MYMK: variants seen among roughly 807,000 people sequenced by gnomAD.
MYMK encodes the protein protein myomaker.
In MYMK, 16 loss-of-function variants were observed where a neutral mutation model predicts 22.4. That is an observed-to-expected ratio of 0.72 (90% confidence interval 0.48 to 1.09). The LOEUF is 1.09. MYMK is among the 50% of genes least tolerant of loss of function. The pLI, the probability that MYMK is intolerant of heterozygous loss-of-function variation, is 0.00. For missense variants in MYMK, 250 were observed against 295.6 expected (o/e 0.85, Z 1.13); for synonymous variants, 125 against 127.0 (o/e 0.98, Z 0.11).
At chr9:133,517,858 C>T (rs1000130584) in intron 3 of MYMK, among the ~76,000 whole-genome samples, 6 of 152,324 alleles carry the variant, frequency 3.9e-5, no homozygotes, top group East Asian at 1.9e-4. Context: ...GCTCTCCCCA[C>T]AGCCGTGGGC....
In MYMK at chr9:133,515,639, T is replaced by C. The variant is rs1332980470; in HGVS notation, c.400-32A>G. 20 of 1,482,810 alleles carry C rather than the reference T, an allele frequency of 1.3e-5. No individual in the cohort carries two copies. Among genetic ancestry groups the C allele is most frequent in the Non-Finnish European group, 1.7e-5 (18 of 1,061,044 alleles). The allele number at this position is 1,482,810 out of a possible 1,614,324, so 91.9% of individuals were successfully genotyped here. A position where few individuals can be genotyped will look rare whatever the true frequency, so the allele number is the denominator to read the frequency against. On this transcript the variant is annotated intron_variant, in intron 3 of 4. Transcript: ENST00000339996. This position sits in a 1 kb window ranked among gnomAD's most constrained non-coding sequence, Gnocchi z 5.8. Reference sequence around the variant, plus strand: ...GGACAGGAGGCCACAGCAAAGCTTTTAGGTCACAGCACTGGGGAACGCCCC... The same window carrying C: ...GGACAGGAGGCCACAGCAAAGCTTTCAGGTCACAGCACTGGGGAACGCCCC...
chr9:133,518,885 C>T lies in MYMK; in HGVS notation c.388G>A (p.Ala130Thr), dbSNP rs775794934. ...GPIGTAILIIAAKWLQKMKEK... is the reference protein window; with the variant it reads ...GPIGTAILIITAKWLQKMKEK... ...CGCGCAGTACGCACCCACTTTGCCG[C>T]GATGATGAGGATGGCTGTGCCGATG... Residue 130 changes from alanine (A) to threonine (T), a missense_variant, in exon 3 of 5, where the codon GCG (alanine) becomes ACG (threonine). Coordinates refer to ENST00000339996, the MANE Select transcript of MYMK (RefSeq NM_001080483.3). 26 of 1,612,606 alleles carry T rather than the reference C, an allele frequency of 1.6e-5. No individual in the cohort carries two copies. The highest frequency in any genetic ancestry group is 6.7e-5 in the Admixed American group (4 of 59,974).
chr9:133,514,876 G>T, intron 4 of MYMK, 91 bp from the exon 5 acceptor site: 2 of 1,420,580 alleles, frequency 1.4e-6, no homozygotes, highest in Non-Finnish European at 1.9e-6. Flanking sequence ...TCAGGCCCCC[G>T]CCTCTGCCAG....
rs993745221 is a variant in MYMK, at chr9:133,524,914, G to A, written c.-70C>T. 28 of 1,520,934 alleles carry A rather than the reference G, an allele frequency of 1.8e-5. No homozygotes were observed. Among genetic ancestry groups the A allele is most frequent in the South Asian group, 5.1e-5 (4 of 77,868 alleles). 94.2% of individuals were successfully genotyped at this position (1,520,934 alleles called of 1,614,324 possible). A position where few individuals can be genotyped will look rare whatever the true frequency, so the allele number is the denominator to read the frequency against. On this transcript the variant is annotated 5_prime_UTR_variant, in exon 1 of 5. Transcript: ENST00000339996. ...TCCCAGGTCCCCAGCACAGGAGCAC[G>A]AAGTGGGAAGGCCAGCTCCCTTTGG...
rs767051231 is a variant in MYMK, at chr9:133,515,750, G to A, written c.400-143C>T. On this transcript the variant is annotated intron_variant, in intron 3 of 4. Coordinates refer to ENST00000339996, the MANE Select transcript of MYMK (RefSeq NM_001080483.3). This position sits in a 1 kb window ranked among gnomAD's most constrained non-coding sequence, Gnocchi z 5.8. Reference sequence around the variant, plus strand: ...AGAGGAGGCTCAGGAGCCTCCTGCCGCACCCAGCCTCAGATGGCTTCTGCT... The same window carrying A: ...AGAGGAGGCTCAGGAGCCTCCTGCCACACCCAGCCTCAGATGGCTTCTGCT... 13 of 608,506 alleles carry A rather than the reference G, an allele frequency of 2.1e-5. No individual in the cohort carries two copies. The highest frequency in any genetic ancestry group is 3.9e-5 in the South Asian group (2 of 51,386). 37.7% of individuals were successfully genotyped at this position (608,506 alleles called of 1,614,324 possible). A position where few individuals can be genotyped will look rare whatever the true frequency, so the allele number is the denominator to read the frequency against.
intron 2 of MYMK, among the ~76,000 whole-genome samples, chr9:133,519,880 G>A (rs1844677610): frequency 6.6e-6 from 1 of 152,214 alleles, no homozygotes; most frequent in African/African-American, 2.4e-5. Context: ...ACGGGAGGGA[G>A]CCCTTTCACT....
chr9:133,515,419 G>C lies in MYMK; in HGVS notation c.516+72C>G. 1.9e-6 allele frequency: 2 copies of C among 1,080,600 alleles called. No homozygotes were observed. The highest frequency in any genetic ancestry group is 2.8e-6 in the Non-Finnish European group (2 of 710,476). The allele number at this position is 1,080,600 out of a possible 1,614,324, so 66.9% of individuals were successfully genotyped here. ...GTCCCCCCAGCGTGGGCACAGCCCTGGTATCCCAGCTGAGCAGAGCCATGC... is the reference window on the plus strand; with the variant it reads ...GTCCCCCCAGCGTGGGCACAGCCCTCGTATCCCAGCTGAGCAGAGCCATGC... On this transcript the variant is annotated intron_variant, in intron 4 of 4. Transcript: ENST00000339996. This position sits in a 1 kb window ranked among gnomAD's most constrained non-coding sequence, Gnocchi z 5.8.
chr9:133,522,592 T>C (rs537148979), intron 1 of MYMK, among the ~76,000 whole-genome samples: 19 of 152,266 alleles, frequency 1.2e-4, no homozygotes, highest in African/African-American at 4.6e-4. Context: ...CTGAGACCAG[T>C]GCAGAGGCAG....
Position 133,515,405 on chromosome 9 carries a change from G to T in MYMK, c.516+86C>A. 1 of 920,536 alleles carries T rather than the reference G, an allele frequency of 1.1e-6. No individual in the cohort carries two copies. 57.0% of individuals were successfully genotyped at this position (920,536 alleles called of 1,614,324 possible). A position where few individuals can be genotyped will look rare whatever the true frequency, so the allele number is the denominator to read the frequency against. On this transcript the variant is annotated intron_variant, in intron 4 of 4. Transcript: ENST00000339996. The surrounding 1 kb of genome is among the most constrained non-coding windows in gnomAD (Gnocchi z 5.8). ...CTGGGGCTGTCAGAGTCCCCCCAGCGTGGGCACAGCCCTGGTATCCCAGCT... is the reference window on the plus strand; with the variant it reads ...CTGGGGCTGTCAGAGTCCCCCCAGCTTGGGCACAGCCCTGGTATCCCAGCT...
At chr9:133,519,144 C>T in intron 2 of MYMK, 122 bp from the exon 3 acceptor site, 1 of 1,236,248 alleles carries the variant, frequency 8.1e-7, no homozygotes, top group Non-Finnish European at 1.1e-6. Context: ...GTCCCCTCAG[C>T]CAGCGAGACC....
chr9:133,520,365 G>A, intron 1 of MYMK, 77 bp from the exon 2 acceptor site: 2 of 1,149,594 alleles, frequency 1.7e-6, no homozygotes, highest in Admixed American at 1.9e-5. Context: ...CAGAGTGCCA[G>A]GTCACTTGCT....
At position 133,515,938 on chromosome 9, in the gene MYMK, T is replaced by C. The variant is rs1844625632; in HGVS notation, c.400-331A>G. ...TCTCCTCCTCCCTGGAGGGGAGCTC[T>C]GGGGGGACTAGACTCCATGATTGCT... On this transcript the variant is annotated intron_variant, in intron 3 of 4. Coordinates refer to ENST00000339996, the MANE Select transcript of MYMK (RefSeq NM_001080483.3). This position sits in a 1 kb window ranked among gnomAD's most constrained non-coding sequence, Gnocchi z 5.8. 6.6e-6 allele frequency among the ~76,000 whole-genome samples: 1 copy of C among 152,186 alleles called. No homozygotes were observed. Among genetic ancestry groups the C allele is most frequent in the African/African-American group, 2.4e-5 (1 of 41,448 alleles).
chr9:133,515,375 T>G lies in MYMK; in HGVS notation c.516+116A>C. 1 of 729,964 alleles carries G rather than the reference T, an allele frequency of 1.4e-6. No individual in the cohort carries two copies. Among genetic ancestry groups the G allele is most frequent in the South Asian group, 1.7e-5 (1 of 59,990 alleles). The allele number at this position is 729,964 out of a possible 1,614,324, so 45.2% of individuals were successfully genotyped here. ...AGTGAGCAGGGACTAATACCAGACT[T>G]TGGCCTGGGGCTGTCAGAGTCCCCC... On this transcript the variant is annotated intron_variant, in intron 4 of 4. Transcript: ENST00000339996. This position sits in a 1 kb window ranked among gnomAD's most constrained non-coding sequence, Gnocchi z 5.8.
intron 3 of MYMK, among the ~76,000 whole-genome samples, chr9:133,517,075 TG>T (rs1357058979): frequency 6.6e-6 from 1 of 152,130 alleles, no homozygotes; most frequent in Non-Finnish European, 1.5e-5. Context: ...TCGTGGCTCT[TG>T]GTGGGAAACA....
chr9:133,521,649 G>A (rs760705274), intron 1 of MYMK, among the ~76,000 whole-genome samples: 3 of 152,144 alleles, frequency 2.0e-5, no homozygotes, highest in Non-Finnish European at 2.9e-5. Flanking sequence ...GGAAAGACGC[G>A]GCTAGAGGAG....
In MYMK at chr9:133,515,085, CTT is replaced by C. The variant is rs1844615583; in HGVS notation, c.517-302_517-301del. Among the ~76,000 whole-genome samples the C allele has an allele frequency of 6.6e-6, 1 of 151,206 alleles. No homozygotes were observed. The highest frequency in any genetic ancestry group is 1.5e-5 in the Non-Finnish European group (1 of 67,724). On this transcript the variant is annotated intron_variant, in intron 4 of 4. Transcript: ENST00000339996. This position sits in a 1 kb window ranked among gnomAD's most constrained non-coding sequence, Gnocchi z 5.8. ...ACCCTCCCTCCCTCCATCTCCCCCT[CTT>C]TTCTCTCCTTATCCCTCTTCCCCTG...
At chr9:133,519,219 C>G (rs993425339) in intron 2 of MYMK, among the ~76,000 whole-genome samples, 197 bp from the exon 3 acceptor site, 2 of 152,132 alleles carry the variant, frequency 1.3e-5, no homozygotes, top group African/African-American at 4.8e-5. Flanking sequence ...AGGCAGCCTG[C>G]TGCTTCCCCA....
rs149973300 is a variant in MYMK at position 133,519,020 on chromosome 9, G to A, written c.253C>T (p.Leu85=). 1,018 of 1,613,754 alleles carry A rather than the reference G, an allele frequency of 6.3e-4. 5 individuals carry two copies. The African/African-American group carries it at 0.011, about 17-fold the overall frequency. ...ALSMWVSLMA[L]ADFDEPKRST... ...CTCTTGGGTTCGTCGAAGTCGGCCAGTGCTGGAGGGGCCAGGGAGACACAG... is the reference window on the plus strand; with the variant it reads ...CTCTTGGGTTCGTCGAAGTCGGCCAATGCTGGAGGGGCCAGGGAGACACAG... The change falls in exon 3 of 5, where the codon CTG becomes TTG. Residue 85 remains leucine (L), a splice_region_variant and synonymous_variant. Transcript: ENST00000339996.
chr9:133,523,213 CAT>C (rs1324548048), intron 1 of MYMK, among the ~76,000 whole-genome samples: 2 of 152,352 alleles, frequency 1.3e-5, no homozygotes, highest in Middle Eastern at 3.4e-3. Context: ...ACAAGCATAA[CAT>C]GTGAATATAT....
Sources: gnomAD v4.1 joint callset for allele counts (sites outside exome capture counted in the v4.1 genomes callset) on GRCh38, gnomAD v4.1.1 for gene constraint, Gnocchi (gnomAD v3.1) non-coding constraint, MANE v1.5 for transcripts, NCBI Gene and HGNC (gene_info 2026-07-23, HGNC 2026-07-21) for gene names.